The following XKRX variants were observed in gnomAD, a reference collection of about 807,000 sequenced individuals.
The protein encoded by XKRX is XK related X-linked, also known as XK-related protein 2.
Under a neutral mutation model 22.4 loss-of-function variants are expected in XKRX, and 11 were observed. The observed-to-expected ratio is 0.49, with a 90% CI of 0.31 to 0.81. The LOEUF is 0.81. XKRX is among the 40% of genes least tolerant of loss of function. The pLI is 0.05. For synonymous variants in XKRX, 114 were observed against 132.2 expected (o/e 0.86, Z 0.94); for missense variants, 320 against 336.5 (o/e 0.95, Z 0.38).
At chrX:100,891,780 AAAGAAAGAAAGAAAGAAAGT>A in the XKRX span, among the ~76,000 whole-genome samples, 1 of 106,153 alleles carries the variant, frequency 9.4e-6, no homozygotes. Context: ...AGAAAGAAAG[AAAGAAAGAAAGAAAGAAAGT>A]AAGTTAAAAA....
chrX:100,936,733 G>A, the XKRX span, among the ~76,000 whole-genome samples: 1 of 109,112 alleles, frequency 9.2e-6, no homozygotes, highest in Non-Finnish European at 1.9e-5. Flanking sequence ...AGGGGAAGCA[G>A]GCACCTTCAT....
chrX:100,921,719 A>G (rs188726910), intron 2 of XKRX, among the ~76,000 whole-genome samples: 43 of 110,713 alleles, frequency 3.9e-4, no homozygotes, highest in Admixed American at 6.8e-4. Flanking sequence ...TCCCTCTTCT[A>G]CAAGTGGGAA....
At chrX:100,949,864 A>G in the XKRX span, among the ~76,000 whole-genome samples, 1 of 112,499 alleles carries the variant, frequency 8.9e-6, no homozygotes, top group African/African-American at 3.2e-5. Context: ...TGCTTCAACA[A>G]GCAATTTAAA....
chrX:100,929,599 AG>A (rs1410179071), upstream of XKRX, among the ~76,000 whole-genome samples: 1 of 111,633 alleles, frequency 9.0e-6, no homozygotes, highest in Non-Finnish European at 1.9e-5. Flanking sequence ...AATATCATGA[AG>A]GGGGAACCTG....
At chrX:100,918,535 G>C (rs1435397145) in intron 2 of XKRX, among the ~76,000 whole-genome samples, 1 of 111,861 alleles carries the variant, frequency 8.9e-6, no homozygotes, top group Non-Finnish European at 1.9e-5. Context: ...ATACACTCAT[G>C]CCATAAGAGA....
the XKRX span, among the ~76,000 whole-genome samples, chrX:100,904,765 G>A: frequency 8.5e-3 from 957 of 111,965 alleles, 9 homozygotes; most frequent in African/African-American, 0.029. Context: ...GAGCCAATCC[G>A]ATGGAGAAGA....
chrX:100,913,173 A>T (rs2085413018), downstream of XKRX, among the ~76,000 whole-genome samples: 1 of 105,709 alleles, frequency 9.5e-6, no homozygotes, highest in Non-Finnish European at 1.9e-5. Flanking sequence ...ACTTCAGCCT[A>T]GAAAACAGAG....
chrX:100,922,803 G>A lies in XKRX; in HGVS notation c.594C>T (p.Pro198=), dbSNP rs1213925294. Residue 198 remains proline (P), a synonymous_variant, in exon 2 of 3, where the codon CCC becomes CCT. Transcript: ENST00000372956. ...CCTGACCCCACTCACCTCTACCCAG[G>A]GGAACCTCTGCAGAGATCAGGCTCA... ...LYVSLISAEV[P]LGRVVLMVFS... The A allele has an allele frequency of 1.7e-6, 2 of 1,208,603 alleles. No homozygotes were observed. The highest frequency in any genetic ancestry group is 3.5e-5 in the African/African-American group (2 of 57,011).
At chrX:100,898,146 C>G in the XKRX span, among the ~76,000 whole-genome samples, 16 of 111,776 alleles carry the variant, frequency 1.4e-4, no homozygotes, top group African/African-American at 5.2e-4. Context: ...ACAATTTACA[C>G]TAACCAAGGG....
intron 2 of XKRX, among the ~76,000 whole-genome samples, chrX:100,915,714 G>A (rs961274600): frequency 9.2e-6 from 1 of 108,547 alleles, no homozygotes; most frequent in Non-Finnish European, 1.9e-5. Context: ...GTGTGCGTGT[G>A]TGTGTGTGTG....
chrX:100,887,444 T>G, the XKRX span, among the ~76,000 whole-genome samples: 2 of 112,780 alleles, frequency 1.8e-5, no homozygotes, highest in Non-Finnish European at 3.7e-5. Context: ...AATAACCTGT[T>G]ATACAATTAG....
At chrX:100,891,204 C>T in the XKRX span, among the ~76,000 whole-genome samples, 2 of 111,248 alleles carry the variant, frequency 1.8e-5, no homozygotes, top group African/African-American at 3.3e-5. Context: ...TGCTCTAGAT[C>T]GTGCTATTTG....
the XKRX span, among the ~76,000 whole-genome samples, chrX:100,954,418 C>CAA: frequency 4.7e-5 from 4 of 85,357 alleles, no homozygotes; most frequent in African/African-American, 4.4e-5. Context: ...GACTCTGTCT[C>CAA]AAAAAAAAAA....
the XKRX span, among the ~76,000 whole-genome samples, chrX:100,954,591 A>T: frequency 1.8e-5 from 2 of 112,044 alleles, no homozygotes; most frequent in African/African-American, 6.5e-5. Flanking sequence ...ATGAAAATAT[A>T]TGCCCATAAA....
At chrX:100,943,786 A>C in the XKRX span, among the ~76,000 whole-genome samples, 39 of 112,160 alleles carry the variant, frequency 3.5e-4, no homozygotes, top group African/African-American at 1.2e-3. Context: ...TGCTGCATGG[A>C]ATCCCATCAG....
At chrX:100,886,953 C>G in the XKRX span, among the ~76,000 whole-genome samples, 1 of 112,327 alleles carries the variant, frequency 8.9e-6, no homozygotes, top group East Asian at 2.8e-4. Flanking sequence ...TTATTGATTA[C>G]ACATGATAAT....
At chrX:100,890,815 T>C in the XKRX span, among the ~76,000 whole-genome samples, 2 of 111,084 alleles carry the variant, frequency 1.8e-5, no homozygotes, top group African/African-American at 3.3e-5. Flanking sequence ...CTTTTATTCA[T>C]GCAAGCATGT....
At chrX:100,953,754 G>T in the XKRX span, among the ~76,000 whole-genome samples, 3 of 108,650 alleles carry the variant, frequency 2.8e-5, no homozygotes, top group African/African-American at 6.7e-5. Context: ...ACTAAAAATA[G>T]AAAAATTAGC....
At chrX:100,920,386 A>G (rs996576903) in intron 2 of XKRX, among the ~76,000 whole-genome samples, 2 of 110,965 alleles carry the variant, frequency 1.8e-5, no homozygotes, top group African/African-American at 6.6e-5. Flanking sequence ...TGGGGCAAAA[A>G]CATGTACAAT....
Sources: gnomAD v4.1 joint callset for allele counts (sites outside exome capture counted in the v4.1 genomes callset) on GRCh38, gnomAD v4.1.1 for gene constraint, MANE v1.5 for transcripts, NCBI Gene and HGNC (gene_info 2026-07-23, HGNC 2026-07-21) for gene names.